BRD1: variants seen among roughly 807,000 people sequenced by gnomAD.
BRD1 encodes the protein bromodomain containing 1, also known as bromodomain-containing protein 1.
In BRD1, 24 loss-of-function variants were observed where a neutral mutation model predicts 107.7. The observed-to-expected ratio is 0.22, with a 90% CI of 0.16 to 0.31. The LOEUF (loss-of-function observed/expected upper bound fraction) is 0.31. Ranked by LOEUF, BRD1 falls within the 10% of genes least tolerant of loss-of-function variation. BRD1 has a pLI of 1.00. For synonymous variants in BRD1, 744 were observed against 686.1 expected, an observed-to-expected ratio of 1.08 and a Z score of -1.32; for missense variants, 1,279 against 1,638.6, an observed-to-expected ratio of 0.78 and a Z score of 3.79.
rs751746487 is a variant in BRD1, at chr22:49,777,680, C to A, written c.2991G>T (p.Ser997=). The change falls in exon 9 of 13, where the codon TCG becomes TCT. Residue 997 remains serine, a splice_region_variant and synonymous_variant. Transcript: ENST00000404760. ...ISSSNSPLCD[S]SFNAPKCGRG... ...AAGCGCAGGGCCGCGGTGCCCACCTCGAGTCGCAGAGCGGGCTGTTGCTGG... is the reference window on the plus strand; with the variant it reads ...AAGCGCAGGGCCGCGGTGCCCACCTAGAGTCGCAGAGCGGGCTGTTGCTGG... 3 of 1,605,392 alleles carry A rather than the reference C, an allele frequency of 1.9e-6. No homozygotes were observed. The African/African-American group carries it at 4.0e-5, about 21-fold the overall frequency.
At chr22:49,784,530 A>C (rs942662869) in intron 8 of BRD1, among the ~76,000 whole-genome samples, 1 of 152,248 alleles carries the variant, frequency 6.6e-6, no homozygotes, top group African/African-American at 2.4e-5. Flanking sequence ...CGCGGGCGAC[A>C]CGGGCAGGAG....
At chr22:49,774,476 C>G in intron 12 of BRD1, 60 bp from the exon 13 acceptor site, 1 of 1,534,260 alleles carries the variant, frequency 6.5e-7, no homozygotes, top group Non-Finnish European at 8.9e-7. Context: ...TCAGCAGGCT[C>G]CATGTAATCA....
At chr22:49,790,860 A>G (rs574834147) in intron 7 of BRD1, among the ~76,000 whole-genome samples, 23 of 152,206 alleles carry the variant, frequency 1.5e-4, no homozygotes, top group Non-Finnish European at 2.9e-4. Flanking sequence ...GCGCCCGTGC[A>G]CGGCAGGGGG....
At chr22:49,774,679 G>A (rs2059046861) in intron 12 of BRD1, among the ~76,000 whole-genome samples, 1 of 152,218 alleles carries the variant, frequency 6.6e-6, no homozygotes, top group African/African-American at 2.4e-5. Flanking sequence ...GTTTCCCAGT[G>A]CCTGCTTAGT....
chr22:49,823,732 CCTT>C lies in BRD1; in HGVS notation c.583_585del (p.Lys195del). ...TGCTTCTGGTTCTCGCAGTGCGACTCCTTCTCGAAGCGGTCCATCAGGAACTCA... is the reference window on the plus strand; with the variant it reads ...TGCTTCTGGTTCTCGCAGTGCGACTCCTCGAAGCGGTCCATCAGGAACTCA... On this transcript the variant is annotated inframe_deletion, in exon 2 of 13. Coordinates refer to ENST00000404760, the MANE Select transcript of BRD1 (RefSeq NM_001304808.3). 6.2e-7 allele frequency: 1 copy of C among 1,614,128 alleles called. No homozygotes were observed. The highest frequency in any genetic ancestry group is 8.5e-7 in the Non-Finnish European group (1 of 1,180,024).
intron 3 of BRD1, among the ~76,000 whole-genome samples, chr22:49,801,509 T>G (rs2059640319): frequency 6.6e-6 from 1 of 152,202 alleles, no homozygotes; most frequent in South Asian, 2.1e-4. Context: ...TGGCCATCCC[T>G]GGCCAGGAGA....
At position 49,823,945 on chromosome 22, in the gene BRD1, C is replaced by T. The variant is rs1257710758; in HGVS notation, c.373G>A (p.Val125Met). 7.4e-6 allele frequency: 12 copies of T among 1,614,176 alleles called. No homozygotes were observed. The highest frequency in any genetic ancestry group is 9.3e-6 in the Non-Finnish European group (11 of 1,180,036). The change falls in exon 2 of 13, where the codon GTG becomes ATG. Residue 125 changes from valine (V) to methionine (M), a missense_variant. This residue lies in a region of BRD1 where 223 missense variants were observed against 263.5 expected (regional missense o/e 0.85). Coordinates refer to ENST00000404760, the MANE Select transcript of BRD1 (RefSeq NM_001304808.3). ...GGGGCGGACGGAGGGCTGTACTCCA[C>T]GATGCGCACCTTGGGCTCCGGGAGG... ...SALPEPKVRI[V>M]EYSPPSAPRR... is the part of the protein sequence containing the mutation.
intron 3 of BRD1, among the ~76,000 whole-genome samples, 179 bp downstream of exon 3, chr22:49,804,025 A>T (rs2059693425): frequency 6.6e-6 from 1 of 152,218 alleles, no homozygotes. Flanking sequence ...CGAGTCGCAG[A>T]TCCAGAGCCC....
intron 8 of BRD1, among the ~76,000 whole-genome samples, chr22:49,786,914 G>A (rs187335893): frequency 2.0e-4 from 28 of 136,770 alleles, no homozygotes; most frequent in Admixed American, 8.9e-4. Flanking sequence ...ACAACACAGC[G>A]AGACCCCCAT....
rs9616353 is a variant in BRD1, at chr22:49,792,571, G to A, written c.2359+1463C>T. ...CCAACAATAACAGCCTTTGGGAGAA[G>A]AGAAAACCAAGCGCTCACCTTGAAA... On this transcript the variant is annotated intron_variant, in intron 7 of 12. Transcript: ENST00000404760. The surrounding 1 kb of genome is among the most constrained non-coding windows in gnomAD (Gnocchi z 4.2). 0.022 allele frequency among the ~76,000 whole-genome samples: 3,346 copies of A among 152,336 alleles called. 69 individuals carry two copies. The highest frequency in any genetic ancestry group is 0.03 in the South Asian group (145 of 4,830).
intron 3 of BRD1, among the ~76,000 whole-genome samples, chr22:49,801,458 GT>G (rs1185363947): frequency 2.0e-5 from 3 of 152,214 alleles, no homozygotes; most frequent in African/African-American, 2.4e-5. Flanking sequence ...AATGCATCAG[GT>G]ACTTCCAAAG....
At chr22:49,796,225 G>C (rs2059528726) in intron 6 of BRD1, among the ~76,000 whole-genome samples, 1 of 152,010 alleles carries the variant, frequency 6.6e-6, no homozygotes, top group African/African-American at 2.4e-5. Flanking sequence ...CGAGTAGCTA[G>C]GACTACAGGT....
chr22:49,827,103 G>A (rs1001966400), intron 1 of BRD1, among the ~76,000 whole-genome samples: 2 of 151,882 alleles, frequency 1.3e-5, no homozygotes, highest in Admixed American at 6.5e-5. Flanking sequence ...GTTACATAAG[G>A]GGCGGCCCGG....
intron 8 of BRD1, 82 bp downstream of exon 8, chr22:49,787,296 GACACCCCCCCCC>G: frequency 8.3e-7 from 1 of 1,207,986 alleles, no homozygotes; most frequent in Non-Finnish European, 1.1e-6. Flanking sequence ...ACAGAAGCTG[GACACCCCCCCCC>G]CCCCGTCACA....
chr22:49,777,112 G>A lies in BRD1; in HGVS notation c.3043C>T (p.His1015Tyr), dbSNP rs1196204797. 6.2e-7 allele frequency: 1 copy of A among 1,613,384 alleles called. No homozygotes were observed. Among genetic ancestry groups the A allele is most frequent in the Admixed American group, 1.7e-5 (1 of 60,038 alleles). Residue 1015 changes from histidine to tyrosine, a missense_variant, in exon 10 of 13, where the codon CAC becomes TAC. His to Tyr is a moderately conservative substitution (Grantham distance 83). Coordinates refer to ENST00000404760, the MANE Select transcript of BRD1 (RefSeq NM_001304808.3). Reference sequence around the variant, plus strand: ...AGCTCACTGCGGTCCTCCAGCGTGTGCCGTCGCACAAGAGCCGGTTTGCCC... The same window carrying A: ...AGCTCACTGCGGTCCTCCAGCGTGTACCGTCGCACAAGAGCCGGTTTGCCC... ...GRGKPALVRR[H>Y]TLEDRSELIS...
At chr22:49,818,803 G>A (rs766293022) in intron 2 of BRD1, among the ~76,000 whole-genome samples, 3 of 151,686 alleles carry the variant, frequency 2.0e-5, no homozygotes, top group Middle Eastern at 3.2e-3. Flanking sequence ...GGAGAATGGC[G>A]TGAACCCGGG....
chr22:49,793,905 C>A, intron 7 of BRD1, 129 bp downstream of exon 7: 2 of 1,298,742 alleles, frequency 1.5e-6, no homozygotes, highest in Non-Finnish European at 2.1e-6. Flanking sequence ...GTGAATTTTA[C>A]GGAACTGGCG....
In BRD1 at chr22:49,823,043, C is replaced by G. The variant is rs1198517239; in HGVS notation, c.1275G>C (p.Lys425Asn). 6.2e-7 allele frequency: 1 copy of G among 1,614,256 alleles called. No individual in the cohort carries two copies. Among genetic ancestry groups the G allele is most frequent in the Admixed American group, 1.7e-5 (1 of 60,036 alleles). ...SSVKTVRSTS[K>N]VRKKAKKAKK... The stretch of plus-strand genomic sequence containing the variant: ...TAGCCTTTTTTGCCTTCTTCCTGAC[C>G]TTGGATGTGGACCTGACCGTTTTAA... Residue 425 changes from lysine (K) to asparagine (N), a missense_variant, in exon 2 of 13, where the codon AAG becomes AAC. Physicochemically the swap from Lys to Asn is moderately conservative, Grantham distance 94. Around this residue, in one of 7 missense-constraint regions of BRD1, gnomAD observed 87 missense variants for 77.1 expected, o/e 1.13. Coordinates refer to ENST00000404760, the MANE Select transcript of BRD1 (RefSeq NM_001304808.3).
chr22:49,826,296 G>GA, intron 1 of BRD1: 2 of 980,206 alleles, frequency 2.0e-6, no homozygotes, highest in Non-Finnish European at 2.4e-6. Flanking sequence ...GAACTGAACC[G>GA]AAGGCTTCAC....
Sources: gnomAD v4.1 joint callset for allele counts (sites outside exome capture counted in the v4.1 genomes callset) on GRCh38, gnomAD v4.1.1 for gene constraint, gnomAD v4.1.1 regional missense constraint, Gnocchi (gnomAD v3.1) non-coding constraint, MANE v1.5 for transcripts, NCBI Gene and HGNC (gene_info 2026-07-23, HGNC 2026-07-21) for gene names.